EHBP1: variants seen among roughly 807,000 people sequenced by gnomAD.
EHBP1 encodes EH domain-binding protein 1.
A neutral mutation model predicts 144.0 loss-of-function variants in EHBP1; 55 were observed. The ratio of observed to expected loss-of-function variants is 0.38; its 90% CI spans 0.31 to 0.48. The LOEUF is 0.48. EHBP1 is among the 20% of genes least tolerant of loss of function. EHBP1 has a pLI of 0.98. For missense variants in EHBP1, 1,200 were observed against 1,364.2 expected, an observed-to-expected ratio of 0.88 and a Z score of 1.90; for synonymous variants, 469 against 472.7, an observed-to-expected ratio of 0.99 and a Z score of 0.10.
At chr2:62,964,534 T>C (rs758811277) in intron 14 of EHBP1, among the ~76,000 whole-genome samples, 5 of 152,248 alleles carry the variant, frequency 3.3e-5, no homozygotes, top group Non-Finnish European at 7.3e-5. Context: ...ATATATGCCT[T>C]GAACGAAAAG....
intron 16 of EHBP1, 121 bp from the exon 17 acceptor site, chr2:62,993,409 C>A: frequency 1.1e-6 from 1 of 918,474 alleles, no homozygotes; most frequent in Non-Finnish European, 1.5e-6. Context: ...CTTTAAAATC[C>A]TTTTCTTGCA....
At chr2:62,808,748 G>A (rs1378055310) in intron 5 of EHBP1, among the ~76,000 whole-genome samples, 1 of 152,138 alleles carries the variant, frequency 6.6e-6, no homozygotes, top group African/African-American at 2.4e-5. Flanking sequence ...CTTGAGTAAT[G>A]TGATGGTAAG....
At chr2:62,674,737 T>C (rs1388140941) in intron 1 of EHBP1, among the ~76,000 whole-genome samples, 2 of 152,220 alleles carry the variant, frequency 1.3e-5, no homozygotes, top group Non-Finnish European at 2.9e-5. Context: ...TTTATTGTTA[T>C]CAGAGAATTT....
chr2:62,740,340 T>C (rs146325256), intron 2 of EHBP1, among the ~76,000 whole-genome samples: 17 of 152,352 alleles, frequency 1.1e-4, no homozygotes, highest in African/African-American at 4.1e-4. Flanking sequence ...CTTGTATTTG[T>C]ACAATTTTTT....
In EHBP1 at chr2:62,859,295, G is replaced by C. The variant is rs770863802; in HGVS notation, c.757+4G>C. On this transcript the variant is annotated splice_donor_region_variant and intron_variant, in intron 8 of 22. Coordinates refer to ENST00000431489, the MANE Select transcript of EHBP1 (RefSeq NM_001142616.3). ...TTTGGAGATCCTGACTCAGAAGGTA[G>C]CAAGTTTTTCTGTAATTTTAAAGTC... is the stretch of plus-strand genomic sequence containing the variant. 6 of 1,595,090 alleles carry C rather than the reference G, an allele frequency of 3.8e-6. No homozygotes were observed. In the South Asian group the frequency reaches 4.5e-5, roughly 12 times the overall value.
intron 5 of EHBP1, among the ~76,000 whole-genome samples, chr2:62,793,284 T>C (rs1356964405): frequency 6.6e-6 from 1 of 152,132 alleles, no homozygotes; most frequent in Non-Finnish European, 1.5e-5. Context: ...TGATTGACTT[T>C]TTTTCAACCA....
At chr2:62,717,000 T>G (rs934479793) in intron 2 of EHBP1, among the ~76,000 whole-genome samples, 6 of 152,176 alleles carry the variant, frequency 3.9e-5, no homozygotes, top group African/African-American at 1.4e-4. Flanking sequence ...ACTTCTGGCC[T>G]CAAGCGACCC....
intron 5 of EHBP1, among the ~76,000 whole-genome samples, chr2:62,813,901 T>G (rs935957337): frequency 5.3e-5 from 8 of 152,224 alleles, no homozygotes; most frequent in Admixed American, 1.3e-4. Flanking sequence ...GGTTCACATC[T>G]GGAGAGGAAT....
intron 19 of EHBP1, among the ~76,000 whole-genome samples, chr2:63,002,229 A>G (rs2059877906): frequency 6.6e-6 from 1 of 152,134 alleles, no homozygotes. Flanking sequence ...GAATACCCGA[A>G]AATGTTTTTT....
At chr2:62,759,239 A>T (rs886902644) in intron 3 of EHBP1, among the ~76,000 whole-genome samples, 1 of 152,210 alleles carries the variant, frequency 6.6e-6, no homozygotes, top group African/African-American at 2.4e-5. Context: ...CTGTACTAGG[A>T]TATTGGCAAA....
At chr2:62,993,750 A>ATC in intron 17 of EHBP1, 82 bp downstream of exon 17, 1 of 744,400 alleles carries the variant, frequency 1.3e-6, no homozygotes, top group Non-Finnish European at 1.8e-6. Flanking sequence ...TATATAGTAT[A>ATC]TATATATAGC....
At chr2:62,707,674 T>C (rs2034734256) in intron 2 of EHBP1, among the ~76,000 whole-genome samples, 1 of 152,224 alleles carries the variant, frequency 6.6e-6, no homozygotes, top group African/African-American at 2.4e-5. Context: ...AACAGGCATA[T>C]GATTTAATAG....
intron 5 of EHBP1, among the ~76,000 whole-genome samples, chr2:62,781,241 A>G (rs1258708718): frequency 6.6e-6 from 1 of 152,120 alleles, no homozygotes; most frequent in Non-Finnish European, 1.5e-5. Context: ...TGATATATAA[A>G]TTGAAACCCT....
chr2:62,910,965 AT>A (rs1355630783), intron 10 of EHBP1, among the ~76,000 whole-genome samples: 2 of 152,286 alleles, frequency 1.3e-5, no homozygotes, highest in East Asian at 3.9e-4. Flanking sequence ...TAGGCTAATA[AT>A]GCTTTTTGAT....
intron 1 of EHBP1, among the ~76,000 whole-genome samples, chr2:62,684,481 A>T (rs1372171391): frequency 6.6e-6 from 1 of 152,214 alleles, no homozygotes; most frequent in Non-Finnish European, 1.5e-5. Context: ...AGTGGGAAAA[A>T]CAAGGGTAAA....
At chr2:62,827,360 TG>T (rs1184585137) in intron 6 of EHBP1, among the ~76,000 whole-genome samples, 5 of 152,132 alleles carry the variant, frequency 3.3e-5, no homozygotes, top group South Asian at 4.2e-4. Flanking sequence ...GATCTTACCC[TG>T]AAGTTTAAGC....
chr2:62,945,022 C>T (rs775148655), intron 12 of EHBP1, among the ~76,000 whole-genome samples: 13 of 152,222 alleles, frequency 8.5e-5, no homozygotes, highest in Non-Finnish European at 1.5e-4. Context: ...TGAAATTTAG[C>T]ATTTCCTTCA....
intron 1 of EHBP1, among the ~76,000 whole-genome samples, chr2:62,693,169 A>G (rs2033966145): frequency 1.3e-5 from 2 of 152,268 alleles, no homozygotes; most frequent in South Asian, 2.1e-4. Context: ...AGTACCATCT[A>G]TGCTGTTGCA....
Position 62,996,639 on chromosome 2 carries a change from A to T in EHBP1, c.2980-4A>T. The T allele has an allele frequency of 6.2e-7, 1 of 1,613,038 alleles. No individual in the cohort carries two copies. The highest frequency in any genetic ancestry group is 8.5e-7 in the Non-Finnish European group (1 of 1,179,444). On this transcript the variant is annotated splice_region_variant and splice_polypyrimidine_tract_variant and intron_variant, in intron 18 of 22. Coordinates refer to ENST00000431489, the MANE Select transcript of EHBP1 (RefSeq NM_001142616.3). Reference sequence around the variant, plus strand: ...TTTTCCTTCCTGTTTGTTCTTGTTAACAGAAAGGGTTCAAAGACACCAGTC... The same window carrying T: ...TTTTCCTTCCTGTTTGTTCTTGTTATCAGAAAGGGTTCAAAGACACCAGTC...
Sources: allele counts gnomAD v4.1 joint callset (sites outside exome capture counted in the v4.1 genomes callset), GRCh38; gene constraint gnomAD v4.1.1; transcripts MANE v1.5; gene names NCBI Gene and HGNC (gene_info 2026-07-23, HGNC 2026-07-21).